The following POLD1 variants were observed in gnomAD, a reference collection of about 807,000 sequenced individuals.
POLD1 encodes DNA polymerase delta catalytic subunit.
POLD1 carries 79 observed loss-of-function variants against 129.7 expected under a neutral mutation model. That is an observed-to-expected ratio of 0.61 (90% CI 0.51 to 0.73). The LOEUF (loss-of-function observed/expected upper bound fraction) is 0.73, where lower values mean the gene tolerates loss of function less well. POLD1 is among the 30% of genes least tolerant of loss of function. The pLI, the probability that POLD1 is intolerant of heterozygous loss-of-function variation, is 0.00. For synonymous variants in POLD1, 714 were observed against 683.3 expected, an observed-to-expected ratio of 1.04 and a Z score of -0.70; for missense variants, 1,338 against 1,595.8, an observed-to-expected ratio of 0.84 and a Z score of 2.75.
rs1419982978 is a variant in POLD1 at position 50,409,687 on chromosome 19, A to G, written c.2154+21A>G. 1 of 1,583,532 alleles carries G rather than the reference A, an allele frequency of 6.3e-7. No homozygotes were observed. The highest frequency in any genetic ancestry group is 1.7e-5 in the Admixed American group (1 of 57,444). On this transcript the variant is annotated intron_variant, in intron 17 of 26. Coordinates refer to ENST00000440232, the MANE Select transcript of POLD1 (RefSeq NM_002691.4). The surrounding 1 kb of genome is among the most constrained non-coding windows in gnomAD (Gnocchi z 5.8). ...CACAGGTGGGCACTCGGGCCCCTGG[A>G]AGGCAACTGGGGGCAGGTGGGCCCC...
rs1363178844 is a variant in POLD1 at position 50,409,628 on chromosome 19, G to T, written c.2116G>T (p.Ala706Ser). The change falls in exon 17 of 27, where the codon GCC becomes TCC. Residue 706 changes from alanine (A) to serine (S), a missense_variant. Ala to Ser is a moderately conservative substitution (Grantham distance 99). Transcript: ENST00000440232. This position sits in a 1 kb window ranked among gnomAD's most constrained non-coding sequence, Gnocchi z 5.8. ...CAACTCCGTATACGGCTTCACTGGC[G>T]CCCAGGTGGGCAAGTTGCCGTGCCT... ...SANSVYGFTG[A>S]QVGKLPCLEI... is the part of the protein sequence containing the mutation. 1 of 1,607,858 alleles carries T rather than the reference G, an allele frequency of 6.2e-7. No individual in the cohort carries two copies. Among genetic ancestry groups the T allele is most frequent in the Non-Finnish European group, 8.5e-7 (1 of 1,175,728 alleles).
At chr19:50,403,385 G>A in intron 9 of POLD1, 108 bp from the exon 10 acceptor site, 1 of 1,137,588 alleles carries the variant, frequency 8.8e-7, no homozygotes, top group South Asian at 1.3e-5. Flanking sequence ...CTTCCCCTCT[G>A]GGTTCTGCAG....
chr19:50,401,921 C>A lies in POLD1; in HGVS notation c.460C>A (p.Pro154Thr). The A allele has an allele frequency of 6.2e-7, 1 of 1,614,092 alleles. No homozygotes were observed. The highest frequency in any genetic ancestry group is 8.5e-7 in the Non-Finnish European group (1 of 1,179,982). ...TCCCTACTTCTACACCCCAGCGCCC[C>A]CTGGTGAGTGGCCCCTACCCAGCCC... ...FAPYFYTPAP[P>T]GFGPEHMGDL... The change falls in exon 4 of 27, where the codon CCT (proline) becomes ACT (threonine). Residue 154 changes from proline (P) to threonine (T), a missense_variant. This residue lies in a region of POLD1 where 332 missense variants were observed against 315.7 expected (regional missense o/e 1.05). Coordinates refer to ENST00000440232, the MANE Select transcript of POLD1 (RefSeq NM_002691.4).
At chr19:50,417,133 G>C (rs771255148) in intron 25 of POLD1, 36 bp downstream of exon 25, 46 of 1,570,880 alleles carry the variant, frequency 2.9e-5, no homozygotes, top group Non-Finnish European at 3.8e-5. Flanking sequence ...GGCCAGGTGG[G>C]GAGGCGGGGG....
rs2122382607 is a variant in POLD1, at chr19:50,409,479, A to G, written c.2007-40A>G. On this transcript the variant is annotated intron_variant, in intron 16 of 26. Coordinates refer to ENST00000440232, the MANE Select transcript of POLD1 (RefSeq NM_002691.4). This position sits in a 1 kb window ranked among gnomAD's most constrained non-coding sequence, Gnocchi z 5.8. ...CAGAAAGGAGCCCTGACCAATGCCC[A>G]GGTGCCGCCTGAGTGTGCTTTCCCC... 6.2e-7 allele frequency: 1 copy of G among 1,613,008 alleles called. No homozygotes were observed. The highest frequency in any genetic ancestry group is 8.5e-7 in the Non-Finnish European group (1 of 1,179,762).
In POLD1 at chr19:50,409,712, C is replaced by T. The variant is rs1352730593; in HGVS notation, c.2154+46C>T. On this transcript the variant is annotated intron_variant, in intron 17 of 26. Coordinates refer to ENST00000440232, the MANE Select transcript of POLD1 (RefSeq NM_002691.4). This position sits in a 1 kb window ranked among gnomAD's most constrained non-coding sequence, Gnocchi z 5.8. ...AAGGCAACTGGGGGCAGGTGGGCCC[C>T]CTGTGTAGGAGACCAGGGCTCCATG... 6.4e-7 allele frequency: 1 copy of T among 1,557,118 alleles called. No individual in the cohort carries two copies. The highest frequency in any genetic ancestry group is 1.2e-5 in the South Asian group (1 of 83,724).
At chr19:50,394,747 G>T (rs543829133) in intron 1 of POLD1, among the ~76,000 whole-genome samples, 20 of 152,274 alleles carry the variant, frequency 1.3e-4, no homozygotes, top group African/African-American at 4.8e-4. Flanking sequence ...CTGCTCACCT[G>T]CCTCTTCCCA....
chr19:50,396,065 T>C (rs2038352307), intron 1 of POLD1, among the ~76,000 whole-genome samples: 1 of 146,870 alleles, frequency 6.8e-6, no homozygotes, highest in Non-Finnish European at 1.5e-5. Context: ...TGGGTTTTAA[T>C]TGTTGTTGTT....
At chr19:50,407,279 C>T (rs2038930433) in intron 13 of POLD1, 48 bp from the exon 14 acceptor site, 1 of 1,566,194 alleles carries the variant, frequency 6.4e-7, no homozygotes, top group African/African-American at 1.4e-5. Flanking sequence ...TCCCAATCCG[C>T]ACGGCCCCAC....
intron 1 of POLD1, among the ~76,000 whole-genome samples, chr19:50,392,917 A>T (rs1192142790): frequency 6.6e-6 from 1 of 152,264 alleles, no homozygotes; most frequent in African/African-American, 2.4e-5. Context: ...CTTCCCTATC[A>T]GTACACAAAG....
chr19:50,407,537 A>G (rs1329024246), intron 14 of POLD1, 122 bp downstream of exon 14: 1 of 436,850 alleles, frequency 2.3e-6, no homozygotes, highest in African/African-American at 2.1e-5. Flanking sequence ...CTGCTCCACA[A>G]AATTTTTTTA....
intron 1 of POLD1, among the ~76,000 whole-genome samples, chr19:50,389,426 G>C (rs1386268391): frequency 6.6e-6 from 1 of 151,778 alleles, no homozygotes; most frequent in Non-Finnish European, 1.5e-5. Context: ...CTGGCCTCCA[G>C]CAGTCAGCTC....
At chr19:50,397,738 CAAAT>C in intron 1 of POLD1, among the ~76,000 whole-genome samples, 1 of 152,212 alleles carries the variant, frequency 6.6e-6, no homozygotes, top group Middle Eastern at 3.4e-3. Flanking sequence ...AAAGAAAACA[CAAAT>C]ATATATAAGT....
At chr19:50,398,731 G>A (rs2038462747) in intron 1 of POLD1, 120 bp from the exon 2 acceptor site, 1 of 1,473,294 alleles carries the variant, frequency 6.8e-7, no homozygotes, top group Non-Finnish European at 9.0e-7. Context: ...AGCTATGTTA[G>A]TACAGCCAGT....
At chr19:50,408,078 A>C (rs2038963891) in intron 14 of POLD1, among the ~76,000 whole-genome samples, 1 of 150,688 alleles carries the variant, frequency 6.6e-6, no homozygotes, top group Admixed American at 6.6e-5. Flanking sequence ...CACCCCTGTA[A>C]TCAATCCCAG....
chr19:50,393,190 C>G (rs1450718990), intron 1 of POLD1, among the ~76,000 whole-genome samples: 1 of 152,152 alleles, frequency 6.6e-6, no homozygotes, highest in Non-Finnish European at 1.5e-5. Flanking sequence ...GCCCAGGTCT[C>G]CAGTGTACAG....
Position 50,406,262 on chromosome 19 carries a change from G to A in POLD1, c.1323G>A (p.Thr441=), listed in dbSNP as rs768901366. Residue 441 remains threonine, a synonymous_variant, in exon 11 of 27, where the codon ACG becomes ACA. Transcript: ENST00000440232. The surrounding 1 kb of genome is among the most constrained non-coding windows in gnomAD (Gnocchi z 5.5). ...IRDSSFQSKQ[T]GRRDTKVVSM... ...ACTCTTCATTCCAGTCCAAGCAGAC[G>A]GGCCGGCGGGACACCAAGGTTGTCA... 30 of 1,613,878 alleles carry A rather than the reference G, an allele frequency of 1.9e-5. No individual in the cohort carries two copies. Among genetic ancestry groups the A allele is most frequent in the Non-Finnish European group, 2.5e-5 (29 of 1,180,002 alleles).
chr19:50,414,762 G>A, intron 19 of POLD1, 53 bp from the exon 20 acceptor site: 1 of 1,400,364 alleles, frequency 7.1e-7, no homozygotes, highest in Non-Finnish European at 9.5e-7. Flanking sequence ...GGCGTCTCCA[G>A]ATTGGGGCTT....
chr19:50,413,228 C>T (rs2039148324), intron 17 of POLD1, among the ~76,000 whole-genome samples, 198 bp from the exon 18 acceptor site: 1 of 152,198 alleles, frequency 6.6e-6, no homozygotes, highest in South Asian at 2.1e-4. Flanking sequence ...GAACCCACTT[C>T]TTTCCACCTG....
Sources: gnomAD v4.1 joint callset for allele counts (sites outside exome capture counted in the v4.1 genomes callset) on GRCh38, gnomAD v4.1.1 for gene constraint, gnomAD v4.1.1 regional missense constraint, Gnocchi (gnomAD v3.1) non-coding constraint, MANE v1.5 for transcripts, NCBI Gene and HGNC (gene_info 2026-07-23, HGNC 2026-07-21) for gene names.